FGF12: variants seen among roughly 807,000 people sequenced by gnomAD.
FGF12 encodes the protein fibroblast growth factor 12.
Under a neutral mutation model 23.6 loss-of-function variants are expected in FGF12, and 14 were observed. That is an observed-to-expected ratio of 0.59 (90% confidence interval 0.39 to 0.93). The LOEUF (loss-of-function observed/expected upper bound fraction) is 0.93, where lower values mean the gene tolerates loss of function less well. Among genes scored for constraint, FGF12 ranks in the 40% least tolerant of loss-of-function variants. The pLI, the probability that FGF12 is intolerant of heterozygous loss-of-function variation, is 0.00. For missense variants in FGF12, 175 were observed against 217.8 expected (o/e 0.80, Z 1.24); for synonymous variants, 62 against 77.3 (o/e 0.80, Z 1.04).
chr3:192,597,365 T>C (rs1045689343), intron 2 of FGF12, among the ~76,000 whole-genome samples: 1 of 152,218 alleles, frequency 6.6e-6, no homozygotes, highest in Non-Finnish European at 1.5e-5. Flanking sequence ...CAGTTTTCCA[T>C]TGACTAGTAC....
At chr3:192,507,488 C>G (rs75773808) in intron 2 of FGF12, among the ~76,000 whole-genome samples, 2 of 151,966 alleles carry the variant, frequency 1.3e-5, no homozygotes, top group Non-Finnish European at 2.9e-5. Flanking sequence ...GGGGAAGTCT[C>G]GGTTTCCTAA....
intron 2 of FGF12, among the ~76,000 whole-genome samples, chr3:192,621,448 G>A (rs1324264043): frequency 6.6e-6 from 1 of 152,086 alleles, no homozygotes; most frequent in East Asian, 1.9e-4. Flanking sequence ...ATTTGGAATT[G>A]AAGTTCTGCC....
intron 2 of FGF12, among the ~76,000 whole-genome samples, chr3:192,444,305 T>G (rs1722287520): frequency 6.6e-6 from 1 of 152,206 alleles, no homozygotes; most frequent in East Asian, 1.9e-4. Flanking sequence ...GAATTCATCA[T>G]CCGCCACAAT....
chr3:192,446,107 C>T (rs1294195045), intron 2 of FGF12, among the ~76,000 whole-genome samples: 4 of 152,134 alleles, frequency 2.6e-5, no homozygotes, highest in African/African-American at 4.8e-5. Flanking sequence ...ACATCTGTCT[C>T]GAATTCATGC....
chr3:192,519,509 T>G (rs575043524), intron 2 of FGF12, among the ~76,000 whole-genome samples: 8 of 152,186 alleles, frequency 5.3e-5, no homozygotes, highest in Admixed American at 3.3e-4. Context: ...GTTAAAGTTA[T>G]GTCTACTAGA....
chr3:192,180,632 G>T (rs531802351), intron 4 of FGF12, among the ~76,000 whole-genome samples: 376 of 152,186 alleles, frequency 2.5e-3, no homozygotes, highest in African/African-American at 8.7e-3. Context: ...ACACTAAAAG[G>T]TACGAGAAAT....
Position 192,418,312 on chromosome 3 carries a change from C to G in FGF12, c.14-57774G>C, listed in dbSNP as rs145938647. Among the ~76,000 whole-genome samples, 213 of 152,254 alleles carry G rather than the reference C, an allele frequency of 1.4e-3. 1 individual carries two copies. The highest frequency in any genetic ancestry group is 5.0e-3 in the African/African-American group (207 of 41,552). On this transcript the variant is annotated intron_variant, in intron 2 of 5. Transcript: ENST00000445105. ...AACATAATTAATTAGAGTCTCCAAG[C>G]TGTATCTCTGGGGTGAGTTAGTCCT...
At chr3:192,350,656 A>G (rs1287901675) in intron 3 of FGF12, among the ~76,000 whole-genome samples, 1 of 152,114 alleles carries the variant, frequency 6.6e-6, no homozygotes, top group Non-Finnish European at 1.5e-5. Context: ...AGGCAAGAAC[A>G]TGGTTGGTGT....
intron 4 of FGF12, among the ~76,000 whole-genome samples, chr3:192,199,318 T>C (rs1311062120): frequency 6.6e-6 from 1 of 152,222 alleles, no homozygotes; most frequent in African/African-American, 2.4e-5. Context: ...TCCTGTTCAG[T>C]CTTTTTCTAT....
At chr3:192,463,778 AC>A (rs558751540) in intron 2 of FGF12, among the ~76,000 whole-genome samples, 144 of 152,266 alleles carry the variant, frequency 9.5e-4, no homozygotes, top group African/African-American at 3.1e-3. Context: ...CCCTTAACTC[AC>A]TTAAATCAGA....
intron 2 of FGF12, among the ~76,000 whole-genome samples, chr3:192,712,905 C>A (rs1438707158): frequency 6.6e-6 from 1 of 152,072 alleles, no homozygotes; most frequent in Admixed American, 6.5e-5. Context: ...GTGCACATAG[C>A]ACCCAGTCAT....
intron 4 of FGF12, among the ~76,000 whole-genome samples, chr3:192,274,597 G>A (rs1358488182): frequency 6.6e-6 from 1 of 151,884 alleles, no homozygotes; most frequent in Non-Finnish European, 1.5e-5. Context: ...AGGGGAAAGA[G>A]AGAGAGATAG....
intron 3 of FGF12, among the ~76,000 whole-genome samples, chr3:192,356,513 T>C (rs1453234179): frequency 6.6e-6 from 1 of 152,210 alleles, no homozygotes; most frequent in Non-Finnish European, 1.5e-5. Context: ...GTCTTTTTTG[T>C]TCCAGTGTTC....
chr3:192,554,954 T>A (rs1711700646), intron 2 of FGF12, among the ~76,000 whole-genome samples: 1 of 151,844 alleles, frequency 6.6e-6, no homozygotes, highest in Non-Finnish European at 1.5e-5. Context: ...ATTGGTAAAC[T>A]CAAAGACAGG....
chr3:192,331,065 T>C (rs1180613815), intron 4 of FGF12, among the ~76,000 whole-genome samples: 1 of 151,946 alleles, frequency 6.6e-6, no homozygotes, highest in Non-Finnish European at 1.5e-5. Context: ...TGAATAGACA[T>C]GTCACCAAAG....
At chr3:192,612,601 T>TAA (rs2108640859) in intron 2 of FGF12, among the ~76,000 whole-genome samples, 5 of 151,746 alleles carry the variant, frequency 3.3e-5, no homozygotes, top group African/African-American at 1.2e-4. Context: ...CACCATAAAG[T>TAA]AAGAAAAAAA....
chr3:192,405,232 C>T (rs1214853327), intron 2 of FGF12, among the ~76,000 whole-genome samples: 1 of 151,146 alleles, frequency 6.6e-6, no homozygotes, highest in African/African-American at 2.5e-5. Context: ...TGTTTTCATT[C>T]TGTGTTACTG....
At chr3:192,545,526 G>A (rs912389275) in intron 2 of FGF12, among the ~76,000 whole-genome samples, 1 of 152,210 alleles carries the variant, frequency 6.6e-6, no homozygotes, top group Non-Finnish European at 1.5e-5. Flanking sequence ...TAGCAAAGCT[G>A]TGAATTACGT....
chr3:192,308,534 G>T lies in FGF12; in HGVS notation c.228+26827C>A, dbSNP rs577076188. Among the ~76,000 whole-genome samples the T allele has an allele frequency of 9.9e-5, 15 of 152,044 alleles. 1 individual carries two copies. In the South Asian group the frequency reaches 2.7e-3, roughly 27 times the overall value. On this transcript the variant is annotated intron_variant, in intron 4 of 5. Coordinates refer to ENST00000445105, the MANE Select transcript of FGF12 (RefSeq NM_004113.6). ...CTCTACTAAAAATACAAAAAAATTA[G>T]CCGGGCATGGTGGCGTGTGCCTCTA...
Sources: allele counts gnomAD v4.1 joint callset (sites outside exome capture counted in the v4.1 genomes callset), GRCh38; gene constraint gnomAD v4.1.1; transcripts MANE v1.5; gene names NCBI Gene and HGNC (gene_info 2026-07-23, HGNC 2026-07-21).